The following KIF1A variants were observed in gnomAD, a reference collection of about 807,000 sequenced individuals.
The protein encoded by KIF1A is kinesin-like protein KIF1A.
A neutral mutation model predicts 227.3 loss-of-function variants in KIF1A; 46 were observed. That is an observed-to-expected ratio of 0.20 (90% CI 0.16 to 0.26). The LOEUF is 0.26. KIF1A is among the 10% of genes least tolerant of loss of function. The pLI, the probability that KIF1A is intolerant of heterozygous loss-of-function variation, is 1.00. For missense variants in KIF1A, 1,683 were observed against 2,485.9 expected (o/e 0.68, Z 6.87); for synonymous variants, 1,022 against 1,012.8 (o/e 1.01, Z -0.17).
At chr2:240,776,507 C>T (rs549604534) in intron 10 of KIF1A, among the ~76,000 whole-genome samples, 1 of 152,370 alleles carries the variant, frequency 6.6e-6, no homozygotes, top group Admixed American at 6.5e-5. Flanking sequence ...TCTCCCATCC[C>T]TCCCCTCAGA....
At chr2:240,735,388 G>C (rs2047200294) in intron 38 of KIF1A, among the ~76,000 whole-genome samples, 1 of 105,874 alleles carries the variant, frequency 9.4e-6, no homozygotes, top group Non-Finnish European at 2.4e-5. Flanking sequence ...GTCCAGCCAT[G>C]AGCCGCTCCC....
At position 240,758,423 on chromosome 2, in the gene KIF1A, TCA is replaced by T; in HGVS notation, c.2517_2518del (p.Cys839Ter). The T allele has an allele frequency of 6.2e-7, 1 of 1,612,872 alleles. No homozygotes were observed. The highest frequency in any genetic ancestry group is 8.5e-7 in the Non-Finnish European group (1 of 1,179,334). ...GGGGTCTCCGCCGGTCACCACGTTG[TCA>T]CAGTCCTCGATGACACTGGAGGGCA... is the stretch of plus-strand genomic sequence containing the variant. On this transcript the variant is annotated stop_gained and frameshift_variant, in exon 26 of 49. Transcript: ENST00000498729. LOFTEE classifies it high-confidence loss of function. This position sits in a 1 kb window ranked among gnomAD's most constrained non-coding sequence, Gnocchi z 5.2.
intron 14 of KIF1A, chr2:240,771,305 C>T: frequency 1.5e-6 from 1 of 675,882 alleles, no homozygotes; most frequent in Non-Finnish European, 2.6e-6. Flanking sequence ...CGAGGCACAG[C>T]AGCCCTGCCA....
chr2:240,801,772 A>G (rs2056993404), intron 1 of KIF1A, among the ~76,000 whole-genome samples: 1 of 152,234 alleles, frequency 6.6e-6, no homozygotes, highest in African/African-American at 2.4e-5. Flanking sequence ...GAAGGCGTCT[A>G]GGAGCCAGAA....
At chr2:240,728,557 G>C (rs1468381333) in intron 38 of KIF1A, 2 of 490,694 alleles carry the variant, frequency 4.1e-6, no homozygotes, top group African/African-American at 4.0e-5. Context: ...GGCTCTCGCT[G>C]CACACAGGGC....
In KIF1A at chr2:240,769,129, C is replaced by T; in HGVS notation, c.1497+4G>A. The T allele has an allele frequency of 6.2e-7, 1 of 1,607,246 alleles. No homozygotes were observed. The highest frequency in any genetic ancestry group is 1.3e-5 in the African/African-American group (1 of 74,990). On this transcript the variant is annotated splice_donor_region_variant and intron_variant, in intron 17 of 48. Transcript: ENST00000498729. ...CAGTACCACAGAACTGAGATAGCTC[C>T]TACCTTTTTGGGAGAGAATACGCCC...
chr2:240,717,823 A>C (rs2044740154), intron 48 of KIF1A, among the ~76,000 whole-genome samples: 1 of 152,204 alleles, frequency 6.6e-6, no homozygotes, highest in Non-Finnish European at 1.5e-5. Context: ...GCTGCCTTCC[A>C]CTGGCCGCAC....
At chr2:240,774,981 C>T (rs1262501895) in intron 11 of KIF1A, among the ~76,000 whole-genome samples, 3 of 152,194 alleles carry the variant, frequency 2.0e-5, no homozygotes, top group African/African-American at 7.2e-5. Context: ...GGGCACATAC[C>T]ACACGGGCCC....
At chr2:240,812,963 A>ACCTTCACCTCGGAGATCCG (rs2058041411) in intron 1 of KIF1A, among the ~76,000 whole-genome samples, 1 of 60,022 alleles carries the variant, frequency 1.7e-5, no homozygotes, top group Non-Finnish European at 3.2e-5. Context: ...TCAAGGATCC[A>ACCTTCACCTCGGAGATCCG]CCTTCACCTC....
At chr2:240,760,943 T>C (rs1575587284) in intron 24 of KIF1A, 100 bp from the exon 25 acceptor site, 22 of 1,186,402 alleles carry the variant, frequency 1.9e-5, no homozygotes, top group Non-Finnish European at 2.2e-5. Context: ...TTCAGCTGCC[T>C]GCCCCACAAT....
chr2:240,790,334 C>G lies in KIF1A; in HGVS notation c.107-1022G>C, dbSNP rs2055503113. Among the ~76,000 whole-genome samples the G allele has an allele frequency of 6.6e-6, 1 of 152,058 alleles. No individual in the cohort carries two copies. Among genetic ancestry groups the G allele is most frequent in the African/African-American group, 2.4e-5 (1 of 41,410 alleles). On this transcript the variant is annotated intron_variant, in intron 2 of 48. Coordinates refer to ENST00000498729, the MANE Select transcript of KIF1A (RefSeq NM_001244008.2). This position sits in a 1 kb window ranked among gnomAD's most constrained non-coding sequence, Gnocchi z 5.0. Reference sequence around the variant, plus strand: ...AGACCACCACCATCACATCAGCAAACCTGAAGAACGAAGCCCTCATGGCAC... The same window carrying G: ...AGACCACCACCATCACATCAGCAAAGCTGAAGAACGAAGCCCTCATGGCAC...
intron 5 of KIF1A, among the ~76,000 whole-genome samples, chr2:240,786,727 T>G (rs1181212911): frequency 2.0e-5 from 2 of 101,432 alleles, no homozygotes; most frequent in African/African-American, 4.1e-5. Flanking sequence ...AGTGAGGGGG[T>G]GGGGGCTGCC....
chr2:240,749,664 C>T (rs1575570084), intron 28 of KIF1A, among the ~76,000 whole-genome samples: 1 of 152,296 alleles, frequency 6.6e-6, no homozygotes, highest in East Asian at 1.9e-4. Context: ...TCTGTGTTCT[C>T]AAGTACCCTT....
rs367818709 is a variant in KIF1A, at chr2:240,788,177, C to T, written c.237G>A (p.Glu79=). ...SQKQVYRDIG[E]EMLQHAFEGY... is the part of the protein sequence containing the mutation. ...CCTCAAAGGCATGCTGCAGCATCTC[C>T]TCGCCGATGTCCCGGTACACCTGCT... is the stretch of plus-strand genomic sequence containing the variant. The change falls in exon 4 of 49, where the codon GAG becomes GAA. Residue 79 remains glutamate, a synonymous_variant. Coordinates refer to ENST00000498729, the MANE Select transcript of KIF1A (RefSeq NM_001244008.2). This position sits in a 1 kb window ranked among gnomAD's most constrained non-coding sequence, Gnocchi z 6.6. The T allele has an allele frequency of 8.1e-6, 13 of 1,613,888 alleles. No individual in the cohort carries two copies. The highest frequency in any genetic ancestry group is 1.1e-5 in the Non-Finnish European group (13 of 1,179,854).
intron 10 of KIF1A, among the ~76,000 whole-genome samples, chr2:240,780,433 C>T (rs942674476): frequency 3.9e-5 from 6 of 152,120 alleles, no homozygotes; most frequent in South Asian, 4.1e-4. Context: ...CCTGCTTCCC[C>T]GCCTTCTCCA....
chr2:240,789,605 CG>C lies in KIF1A; in HGVS notation c.107-294del, dbSNP rs1205791206. On this transcript the variant is annotated intron_variant, in intron 2 of 48. Coordinates refer to ENST00000498729, the MANE Select transcript of KIF1A (RefSeq NM_001244008.2). This position sits in a 1 kb window ranked among gnomAD's most constrained non-coding sequence, Gnocchi z 4.8. Reference sequence around the variant, plus strand: ...CTGGCTCCCCTCAAAGGCAGCCACCCGGGGAGGATCCTTCCCACCTGCAAGC... The same window carrying C: ...CTGGCTCCCCTCAAAGGCAGCCACCCGGGAGGATCCTTCCCACCTGCAAGC... Among the ~76,000 whole-genome samples, 1 of 152,198 alleles carries C rather than the reference CG, an allele frequency of 6.6e-6. No individual in the cohort carries two copies. The highest frequency in any genetic ancestry group is 1.9e-4 in the East Asian group (1 of 5,188).
At chr2:240,807,078 A>ATATG (rs577418405) in intron 1 of KIF1A, among the ~76,000 whole-genome samples, 15 of 95,246 alleles carry the variant, frequency 1.6e-4, no homozygotes, top group East Asian at 1.0e-3. Context: ...CCTCATATAT[A>ATATG]TGTGTGTGTG....
chr2:240,765,850 C>T, intron 19 of KIF1A, 57 bp from the exon 20 acceptor site: 1 of 1,344,910 alleles, frequency 7.4e-7, no homozygotes. Flanking sequence ...TCACCTACAG[C>T]AGCTCGGCTT....
intron 46 of KIF1A, among the ~76,000 whole-genome samples, 158 bp from the exon 47 acceptor site, chr2:240,719,356 A>G (rs528000203): frequency 6.6e-6 from 1 of 152,258 alleles, no homozygotes; most frequent in East Asian, 1.9e-4. Flanking sequence ...GCAGAACCCC[A>G]ACCCAGCAGG....
Sources: allele counts gnomAD v4.1 joint callset (sites outside exome capture counted in the v4.1 genomes callset), GRCh38; gene constraint gnomAD v4.1.1; non-coding constraint Gnocchi (gnomAD v3.1); transcripts MANE v1.5; gene names NCBI Gene and HGNC (gene_info 2026-07-23, HGNC 2026-07-21).